USP24: variants seen among roughly 807,000 people sequenced by gnomAD.
USP24 encodes the protein ubiquitin specific peptidase 24.
Under a neutral mutation model 361.6 loss-of-function variants are expected in USP24, and 97 were observed. That is an observed-to-expected ratio of 0.27 (90% CI 0.23 to 0.32). The LOEUF is 0.32. Ranked by LOEUF, USP24 falls within the 10% of genes least tolerant of loss-of-function variation. The pLI is 1.00. For synonymous variants in USP24, 1,098 were observed against 1,124.6 expected, an observed-to-expected ratio of 0.98 and a Z score of 0.47; for missense variants, 2,353 against 3,165.6, an observed-to-expected ratio of 0.74 and a Z score of 6.16.
At chr1:55,207,629 T>C (rs1364781282) in intron 1 of USP24, among the ~76,000 whole-genome samples, 2 of 152,198 alleles carry the variant, frequency 1.3e-5, no homozygotes, top group African/African-American at 2.4e-5. Context: ...TTATGAGTAA[T>C]CTAGGGATGA....
At chr1:55,080,668 G>A (rs1645131671) in intron 59 of USP24, among the ~76,000 whole-genome samples, 1 of 152,142 alleles carries the variant, frequency 6.6e-6, no homozygotes, top group African/African-American at 2.4e-5. Context: ...TATGGTTGTT[G>A]TCACTATCAT....
chr1:55,193,012 G>C (rs937158190), intron 1 of USP24, among the ~76,000 whole-genome samples: 5 of 152,032 alleles, frequency 3.3e-5, no homozygotes, highest in Admixed American at 6.6e-5. Flanking sequence ...GAAAATATTT[G>C]GGAAAAAATG....
At chr1:55,073,590 G>C (rs146138939) in intron 64 of USP24, among the ~76,000 whole-genome samples, 10 of 152,262 alleles carry the variant, frequency 6.6e-5, no homozygotes, top group African/African-American at 2.4e-4. Context: ...CTGCCTTTCT[G>C]ACATAAGGCC....
chr1:55,182,783 T>G (rs1644014097), intron 1 of USP24, among the ~76,000 whole-genome samples: 1 of 152,132 alleles, frequency 6.6e-6, no homozygotes, highest in Non-Finnish European at 1.5e-5. Context: ...GGCACCATCT[T>G]GGCTCACTGC....
At position 55,121,423 on chromosome 1, in the gene USP24, G is replaced by A. The variant is rs1389153463; in HGVS notation, c.4347+13C>T. 1 of 1,610,294 alleles carries A rather than the reference G, an allele frequency of 6.2e-7. No individual in the cohort carries two copies. Among genetic ancestry groups the A allele is most frequent in the South Asian group, 1.1e-5 (1 of 90,276 alleles). On this transcript the variant is annotated intron_variant, in intron 37 of 67. Coordinates refer to ENST00000294383, the MANE Select transcript of USP24 (RefSeq NM_015306.3). ...ACCAAAGGAGTTTTGTAAGTAATGT[G>A]AAAAATCCTTACCTCAGCACTTGGT...
intron 38 of USP24, among the ~76,000 whole-genome samples, chr1:55,113,962 A>G (rs556160311): frequency 6.6e-6 from 1 of 152,350 alleles, no homozygotes; most frequent in African/African-American, 2.4e-5. Flanking sequence ...GAAGACAGGA[A>G]GTCAAACTGT....
At chr1:55,107,039 T>C (rs757521403) in intron 40 of USP24, among the ~76,000 whole-genome samples, 200 bp downstream of exon 40, 20 of 152,172 alleles carry the variant, frequency 1.3e-4, no homozygotes, top group Non-Finnish European at 2.2e-4. Context: ...CACCATAAAA[T>C]TCTCTATGTT....
chr1:55,093,896 A>G, intron 52 of USP24, 41 bp downstream of exon 52: 2 of 1,611,102 alleles, frequency 1.2e-6, no homozygotes, highest in Non-Finnish European at 1.7e-6. Context: ...TTTGATGTCC[A>G]CGTGGATATT....
intron 1 of USP24, among the ~76,000 whole-genome samples, chr1:55,208,712 C>A (rs912791990): frequency 6.6e-6 from 1 of 151,028 alleles, no homozygotes; most frequent in Non-Finnish European, 1.5e-5. Context: ...CAGAGGCAGG[C>A]GGATCACGAG....
At chr1:55,119,145 C>T (rs78576393) in intron 38 of USP24, among the ~76,000 whole-genome samples, 1,948 of 152,180 alleles carry the variant, frequency 0.013, 37 homozygotes, top group African/African-American at 0.044. Context: ...GCATTCACAA[C>T]GGCCAAAAGG....
At chr1:55,154,549 TTAACAACGTAAGAAAA>T (rs1221506066) in intron 13 of USP24, 83 bp from the exon 14 acceptor site, 1 of 1,490,076 alleles carries the variant, frequency 6.7e-7, no homozygotes, top group African/African-American at 1.4e-5. Context: ...GCTAAAAACA[TTAACAACGTAAGAAAA>T]GTACATTTAA....
intron 30 of USP24, 48 bp downstream of exon 30, chr1:55,134,022 A>T: frequency 6.8e-7 from 1 of 1,463,484 alleles, no homozygotes; most frequent in Non-Finnish European, 9.5e-7. Context: ...ATTTTCACTC[A>T]CTGAATTGTG....
In USP24 at chr1:55,206,383, T is replaced by C. The variant is rs1213315035; in HGVS notation, c.324+8407A>G. Reference sequence around the variant, plus strand: ...CAGAGAAGTGGCAATTGAGCTAACCTTGAAGAACGACTTAGTGTTAGACAG... The same window carrying C: ...CAGAGAAGTGGCAATTGAGCTAACCCTGAAGAACGACTTAGTGTTAGACAG... On this transcript the variant is annotated intron_variant, in intron 1 of 67. Coordinates refer to ENST00000294383, the MANE Select transcript of USP24 (RefSeq NM_015306.3). 3.9e-5 allele frequency among the ~76,000 whole-genome samples: 6 copies of C among 152,258 alleles called. No homozygotes were observed. In the South Asian group the frequency reaches 6.2e-4, roughly 16 times the overall value.
At chr1:55,181,126 A>G (rs1176562393) in intron 1 of USP24, among the ~76,000 whole-genome samples, 1 of 152,070 alleles carries the variant, frequency 6.6e-6, no homozygotes, top group African/African-American at 2.4e-5. Flanking sequence ...AAATAATCCC[A>G]TTTAAAAATC....
intron 10 of USP24, among the ~76,000 whole-genome samples, chr1:55,158,234 T>C (rs1199657968): frequency 6.6e-6 from 1 of 152,244 alleles, no homozygotes; most frequent in African/African-American, 2.4e-5. Flanking sequence ...CTTGTCTGGC[T>C]AGTAAACCTT....
intron 38 of USP24, among the ~76,000 whole-genome samples, chr1:55,115,610 AATTCCT>A (rs1646091340): frequency 1.3e-5 from 2 of 152,040 alleles, no homozygotes; most frequent in African/African-American, 4.8e-5. Flanking sequence ...ACAGTGTGGC[AATTCCT>A]TAAGGATCTA....
At chr1:55,195,480 C>A (rs1644391023) in intron 1 of USP24, among the ~76,000 whole-genome samples, 1 of 152,178 alleles carries the variant, frequency 6.6e-6, no homozygotes, top group Non-Finnish European at 1.5e-5. Context: ...ATGAATAAGA[C>A]AGACATACTC....
Position 55,073,895 on chromosome 1 carries a change from G to T in USP24, c.7459C>A (p.His2487Asn). 6.3e-7 allele frequency: 1 copy of T among 1,575,460 alleles called. No individual in the cohort carries two copies. The highest frequency in any genetic ancestry group is 1.2e-5 in the South Asian group (1 of 85,432). The change falls in exon 64 of 68, where the codon CAC (histidine) becomes AAC (asparagine). Residue 2487 changes from histidine (H) to asparagine (N), a missense_variant. Transcript: ENST00000294383. Reference protein sequence around the residue: ...TENGLLALMHHSNHVDSSRCY... With the variant: ...TENGLLALMHNSNHVDSSRCY... ...CGACTACTGTCCACATGATTACTGT[G>T]GTGCATCAAAGCTGAGGGAAGAGAA...
At chr1:55,152,594 T>A (rs536301178) in intron 16 of USP24, among the ~76,000 whole-genome samples, 1 of 152,304 alleles carries the variant, frequency 6.6e-6, no homozygotes, top group Admixed American at 6.5e-5. Context: ...TGAATTTTAA[T>A]CATAAGGAGA....
Sources: gnomAD v4.1 joint callset for allele counts (sites outside exome capture counted in the v4.1 genomes callset) on GRCh38, gnomAD v4.1.1 for gene constraint, MANE v1.5 for transcripts, NCBI Gene and HGNC (gene_info 2026-07-23, HGNC 2026-07-21) for gene names.